The following DLGAP2 variants were observed in gnomAD, a reference collection of about 807,000 sequenced individuals.
The protein encoded by DLGAP2 is disks large-associated protein 2.
Under a neutral mutation model 100.3 loss-of-function variants are expected in DLGAP2, and 26 were observed. The observed-to-expected ratio is 0.26, with a 90% CI of 0.19 to 0.36. DLGAP2 has a LOEUF of 0.36. DLGAP2 is among the 10% of genes least tolerant of loss of function. The probability of loss-of-function intolerance (pLI) is 1.00; values close to 1 mark genes in which losing one functional copy is unlikely to be tolerated. For missense variants in DLGAP2, 1,858 were observed against 1,453.2 expected, an observed-to-expected ratio of 1.28 and a Z score of -4.53; for synonymous variants, 886 against 630.1, an observed-to-expected ratio of 1.41 and a Z score of -6.08.
At chr8:1,426,380 C>G (rs1343218155) in intron 3 of DLGAP2, among the ~76,000 whole-genome samples, 1 of 152,012 alleles carries the variant, frequency 6.6e-6, no homozygotes, top group Non-Finnish European at 1.5e-5. Context: ...AGAACATGGC[C>G]AAGGAATACA....
intron 3 of DLGAP2, among the ~76,000 whole-genome samples, chr8:1,318,263 G>A (rs563588613): frequency 1.2e-4 from 19 of 152,248 alleles, no homozygotes; most frequent in African/African-American, 2.9e-4. Context: ...TCTCCAAATC[G>A]TGGCAACAAC....
chr8:1,455,868 C>A (rs575326249), intron 3 of DLGAP2, among the ~76,000 whole-genome samples: 1 of 152,178 alleles, frequency 6.6e-6, no homozygotes, highest in African/African-American at 2.4e-5. Context: ...GGCAGGCGGT[C>A]GGTCTGTCTT....
At chr8:1,368,757 G>C (rs1189044209) in intron 3 of DLGAP2, 1 of 152,196 alleles carries the variant, frequency 6.6e-6, no homozygotes, top group African/African-American at 2.4e-5. Context: ...GCTGACTCCA[G>C]AAATACAGCC....
At chr8:1,064,180 C>T (rs1279387073) in intron 2 of DLGAP2, among the ~76,000 whole-genome samples, 2 of 152,048 alleles carry the variant, frequency 1.3e-5, no homozygotes, top group Non-Finnish European at 2.9e-5. Context: ...ATTCTTGCTC[C>T]CAATTTGCAA....
intron 10 of DLGAP2, among the ~76,000 whole-genome samples, chr8:1,674,147 G>C (rs1798755541): frequency 6.6e-6 from 1 of 152,164 alleles, no homozygotes; most frequent in African/African-American, 2.4e-5. Context: ...TCAGTGTCCT[G>C]GGCTCAAGTG....
chr8:779,237 C>G (rs996421923), intron 1 of DLGAP2, among the ~76,000 whole-genome samples: 2 of 152,242 alleles, frequency 1.3e-5, no homozygotes, highest in Admixed American at 6.5e-5. Context: ...TGTGCCCACT[C>G]TCTGGCCCTC....
intron 2 of DLGAP2, among the ~76,000 whole-genome samples, chr8:963,757 C>A (rs925462110): frequency 1.3e-5 from 2 of 152,088 alleles, no homozygotes; most frequent in Non-Finnish European, 2.9e-5. Flanking sequence ...ATTTCAAGAT[C>A]CTAATGTCAT....
chr8:1,177,643 A>C (rs997867448), intron 2 of DLGAP2, among the ~76,000 whole-genome samples: 2 of 152,192 alleles, frequency 1.3e-5, no homozygotes, highest in Non-Finnish European at 2.9e-5. Flanking sequence ...AGCTGTCACA[A>C]ATACCCCACA....
intron 2 of DLGAP2, among the ~76,000 whole-genome samples, chr8:964,125 C>T (rs1799790557): frequency 6.6e-6 from 1 of 152,104 alleles, no homozygotes; most frequent in Admixed American, 6.6e-5. Flanking sequence ...GCATGCTTCC[C>T]TTGTATTCTA....
At chr8:1,374,509 G>C (rs575944613) in intron 3 of DLGAP2, among the ~76,000 whole-genome samples, 1 of 152,110 alleles carries the variant, frequency 6.6e-6, no homozygotes, top group Admixed American at 6.5e-5. Context: ...GCTTCTGTTC[G>C]CTCCAATTTA....
At chr8:1,028,436 C>G (rs868339174) in intron 2 of DLGAP2, among the ~76,000 whole-genome samples, 3 of 147,246 alleles carry the variant, frequency 2.0e-5, no homozygotes, top group African/African-American at 2.5e-5. Context: ...GGGTGTCAGG[C>G]GCCCGTTATT....
chr8:1,306,074 C>CAAAAAAAAAA (rs61647224), intron 3 of DLGAP2, among the ~76,000 whole-genome samples: 5,381 of 114,224 alleles, frequency 0.047, 141 homozygotes, highest in East Asian at 0.079. Context: ...AGAAATTAGG[C>CAAAAAAAAAA]AAAAAAAAAA....
chr8:773,946 T>G (rs1238214020), intron 1 of DLGAP2, among the ~76,000 whole-genome samples: 1 of 152,220 alleles, frequency 6.6e-6, no homozygotes, highest in South Asian at 2.1e-4. Context: ...ATGGTTGAAC[T>G]AGTTTACAGT....
chr8:1,208,426 A>T (rs539680763), intron 2 of DLGAP2, among the ~76,000 whole-genome samples: 1 of 152,374 alleles, frequency 6.6e-6, no homozygotes, highest in East Asian at 1.9e-4. Flanking sequence ...AAAATCCAGC[A>T]TCACTTTATG....
intron 2 of DLGAP2, among the ~76,000 whole-genome samples, chr8:968,712 G>A (rs1174669808): frequency 6.6e-6 from 1 of 152,156 alleles, no homozygotes; most frequent in Non-Finnish European, 1.5e-5. Flanking sequence ...CATGCACTGG[G>A]CAGCACCTGT....
At chr8:757,071 G>A (rs1563414352) in intron 1 of DLGAP2, among the ~76,000 whole-genome samples, 1 of 152,146 alleles carries the variant, frequency 6.6e-6, no homozygotes, top group Admixed American at 6.5e-5. Context: ...TGGGGCCTTT[G>A]CACATGCTGC....
chr8:1,561,136 C>A (rs989704945), intron 5 of DLGAP2, among the ~76,000 whole-genome samples: 1 of 152,130 alleles, frequency 6.6e-6, no homozygotes, highest in South Asian at 2.1e-4. Flanking sequence ...CCCCTGCACA[C>A]ACTCTCTTGC....
chr8:1,626,080 C>T (rs113325352), intron 6 of DLGAP2, among the ~76,000 whole-genome samples: 61 of 86,384 alleles, frequency 7.1e-4, no homozygotes, highest in African/African-American at 1.4e-3. Flanking sequence ...TGGCCTGTGG[C>T]GGGTGCTCAG....
intron 3 of DLGAP2, among the ~76,000 whole-genome samples, chr8:1,279,049 A>AG (rs1469633061): frequency 6.6e-6 from 1 of 152,206 alleles, no homozygotes; most frequent in Non-Finnish European, 1.5e-5. Flanking sequence ...TACTCACCCC[A>AG]GGGGGTGTGC....
Sources: allele counts gnomAD v4.1 joint callset (sites outside exome capture counted in the v4.1 genomes callset), GRCh38; gene constraint gnomAD v4.1.1; transcripts MANE v1.5; gene names NCBI Gene and HGNC (gene_info 2026-07-23, HGNC 2026-07-21).